The following ADAMTS19 variants were observed in gnomAD, a reference collection of about 807,000 sequenced individuals.
The protein encoded by ADAMTS19 is A disintegrin and metalloproteinase with thrombospondin motifs 19.
In ADAMTS19, 93 loss-of-function variants were observed where a neutral mutation model predicts 153.3. The observed-to-expected ratio is 0.61, with a 90% CI of 0.51 to 0.72. ADAMTS19 has a LOEUF of 0.72. Among genes scored for constraint, ADAMTS19 ranks in the 30% least tolerant of loss-of-function variants. The probability of loss-of-function intolerance (pLI) is 0.00; values close to 1 mark genes in which losing one functional copy is unlikely to be tolerated. For missense variants in ADAMTS19, 1,482 were observed against 1,552.1 expected (o/e 0.95, Z 0.76); for synonymous variants, 600 against 556.6 (o/e 1.08, Z -1.10).
chr5:129,509,346 T>A, intron 3 of ADAMTS19, 104 bp downstream of exon 3: 2 of 1,025,050 alleles, frequency 2.0e-6, no homozygotes, highest in Non-Finnish European at 2.8e-6. Context: ...ATTTTTAATG[T>A]AGAATCTTTT....
chr5:129,460,782 T>C, intron 1 of ADAMTS19: 1 of 535,240 alleles, frequency 1.9e-6, no homozygotes, highest in South Asian at 2.4e-5. Context: ...AGCAACGCTC[T>C]GCTCTAGCAT....
At chr5:129,690,053 C>T (rs564962525) in intron 18 of ADAMTS19, among the ~76,000 whole-genome samples, 1 of 152,322 alleles carries the variant, frequency 6.6e-6, no homozygotes, top group South Asian at 2.1e-4. Flanking sequence ...GTATAGAAAG[C>T]ACTGACAGCT....
intron 7 of ADAMTS19, among the ~76,000 whole-genome samples, chr5:129,564,952 A>C (rs1298276102): frequency 6.6e-6 from 1 of 152,190 alleles, no homozygotes; most frequent in Non-Finnish European, 1.5e-5. Context: ...GTTCATACCA[A>C]GGAACTTTTA....
chr5:129,658,005 C>T (rs67861289), intron 14 of ADAMTS19, among the ~76,000 whole-genome samples: 8,800 of 152,092 alleles, frequency 0.058, 395 homozygotes, highest in African/African-American at 0.13. Context: ...ATACTCTAAG[C>T]TGGTCAGAGT....
At chr5:129,513,199 A>G (rs528290048) in intron 3 of ADAMTS19, among the ~76,000 whole-genome samples, 46 of 150,626 alleles carry the variant, frequency 3.1e-4, no homozygotes, top group Admixed American at 2.2e-3. Context: ...CACAAGTAAC[A>G]ACTAAAAAAA....
At chr5:129,491,294 G>A (rs376940936) in intron 2 of ADAMTS19, among the ~76,000 whole-genome samples, 14 of 152,242 alleles carry the variant, frequency 9.2e-5, no homozygotes, top group Admixed American at 7.2e-4. Flanking sequence ...GAGCCACCAG[G>A]CCGGGCCACT....
intron 10 of ADAMTS19, among the ~76,000 whole-genome samples, chr5:129,626,489 C>T (rs1752055656): frequency 6.6e-6 from 1 of 151,786 alleles, no homozygotes; most frequent in Non-Finnish European, 1.5e-5. Context: ...TAGGATGTTG[C>T]CTTGTTTTAA....
At chr5:129,713,819 TG>T (rs2127185391) in intron 21 of ADAMTS19, among the ~76,000 whole-genome samples, 1 of 136,644 alleles carries the variant, frequency 7.3e-6, no homozygotes, top group South Asian at 2.4e-4. Context: ...GGCCCTGAGC[TG>T]GGGGTTCTGG....
intron 2 of ADAMTS19, among the ~76,000 whole-genome samples, chr5:129,484,234 GATATAA>G (rs1373281211): frequency 6.6e-6 from 1 of 152,060 alleles, no homozygotes; most frequent in Non-Finnish European, 1.5e-5. Context: ...TAAAAGCACA[GATATAA>G]ATATAGGTAA....
intron 16 of ADAMTS19, among the ~76,000 whole-genome samples, chr5:129,678,858 A>T (rs1222339262): frequency 6.7e-6 from 1 of 149,822 alleles, no homozygotes; most frequent in Non-Finnish European, 1.5e-5. Context: ...AATAACTAGC[A>T]GGATTTATTG....
At chr5:129,667,260 T>A (rs1754094654) in intron 16 of ADAMTS19, among the ~76,000 whole-genome samples, 1 of 152,172 alleles carries the variant, frequency 6.6e-6, no homozygotes, top group South Asian at 2.1e-4. Flanking sequence ...TCCCATACTA[T>A]GGGGTTCAGG....
chr5:129,494,629 A>C (rs996701676), intron 2 of ADAMTS19, among the ~76,000 whole-genome samples: 2 of 152,132 alleles, frequency 1.3e-5, no homozygotes, highest in African/African-American at 2.4e-5. Flanking sequence ...TTAAATATGA[A>C]ATCTAATAGA....
At chr5:129,613,025 G>C (rs374230072) in intron 8 of ADAMTS19, among the ~76,000 whole-genome samples, 1 of 151,946 alleles carries the variant, frequency 6.6e-6, no homozygotes, top group Non-Finnish European at 1.5e-5. Flanking sequence ...AGGAGCACCC[G>C]GATTCATAAA....
At chr5:129,587,214 A>G (rs765977139) in intron 7 of ADAMTS19, among the ~76,000 whole-genome samples, 1 of 152,154 alleles carries the variant, frequency 6.6e-6, no homozygotes, top group African/African-American at 2.4e-5. Flanking sequence ...ATCATAATCT[A>G]CTAATCTCAA....
intron 2 of ADAMTS19, among the ~76,000 whole-genome samples, chr5:129,468,035 A>G (rs1237978497): frequency 3.3e-5 from 5 of 152,214 alleles, no homozygotes; most frequent in Non-Finnish European, 7.3e-5. Context: ...ATCTGATTGC[A>G]AGGATCTTTT....
intron 8 of ADAMTS19, among the ~76,000 whole-genome samples, chr5:129,613,020 C>G (rs1290364029): frequency 2.0e-5 from 3 of 152,096 alleles, no homozygotes; most frequent in African/African-American, 7.2e-5. Flanking sequence ...AATGCAGGAG[C>G]ACCCGGATTC....
chr5:129,615,107 C>T (rs953353399), intron 8 of ADAMTS19, among the ~76,000 whole-genome samples: 2 of 152,060 alleles, frequency 1.3e-5, no homozygotes, highest in Non-Finnish European at 2.9e-5. Flanking sequence ...AATGGCCATA[C>T]TGCCCAAGGT....
intron 18 of ADAMTS19, among the ~76,000 whole-genome samples, chr5:129,685,060 G>A (rs1755018371): frequency 6.6e-6 from 1 of 152,012 alleles, no homozygotes; most frequent in African/African-American, 2.4e-5. Context: ...TATTTGAAAT[G>A]TCTGTTGGAC....
At chr5:129,530,817 G>GAA (rs762745159) in intron 6 of ADAMTS19, among the ~76,000 whole-genome samples, 1 of 130,412 alleles carries the variant, frequency 7.7e-6, no homozygotes, top group Non-Finnish European at 1.7e-5. Flanking sequence ...AGTAAAGCAG[G>GAA]AAAAAAAAAA....
Sources: gnomAD v4.1 joint callset for allele counts (sites outside exome capture counted in the v4.1 genomes callset) on GRCh38, gnomAD v4.1.1 for gene constraint, MANE v1.5 for transcripts, NCBI Gene and HGNC (gene_info 2026-07-23, HGNC 2026-07-21) for gene names.